The following RBFOX1 variants were observed in gnomAD, a reference collection of about 807,000 sequenced individuals.
The protein encoded by RBFOX1 is RNA binding fox-1 homolog 1.
Under a neutral mutation model 57.7 loss-of-function variants are expected in RBFOX1, and 8 were observed. The observed-to-expected ratio is 0.14, with a 90% CI of 0.08 to 0.25. The LOEUF is 0.25. Among genes scored for constraint, RBFOX1 ranks in the 10% least tolerant of loss-of-function variants. The pLI, the probability that RBFOX1 is intolerant of heterozygous loss-of-function variation, is 1.00. For missense variants in RBFOX1, 611 were observed against 548.5 expected (o/e 1.11, Z -1.14); for synonymous variants, 326 against 222.4 (o/e 1.47, Z -4.15).
At position 5,881,220 on chromosome 16, in the gene RBFOX1, T is replaced by A. The variant is rs1482690779; in HGVS notation, c.351+13885T>A. ...GCCCTGAACTGTCTTCTGATTCTAGTTGGGTGAAAGTCTAGAACTGGATGA... is the reference window on the plus strand; with the variant it reads ...GCCCTGAACTGTCTTCTGATTCTAGATGGGTGAAAGTCTAGAACTGGATGA... On this transcript the variant is annotated intron_variant, in intron 4 of 19. Coordinates refer to the RBFOX1 transcript ENST00000641259. 2.6e-5 allele frequency among the ~76,000 whole-genome samples: 4 copies of A among 152,228 alleles called. No homozygotes were observed. The East Asian group carries it at 7.7e-4, about 29-fold the overall frequency.
chr16:7,372,131 C>T (rs1306147876), intron 4 of RBFOX1, among the ~76,000 whole-genome samples: 5 of 152,118 alleles, frequency 3.3e-5, no homozygotes, highest in Non-Finnish European at 5.9e-5. Context: ...TCATAACTTC[C>T]ATTTAAAGAT....
At chr16:6,194,863 CAT>C (rs1332238273) in intron 1 of RBFOX1, among the ~76,000 whole-genome samples, 5 of 152,152 alleles carry the variant, frequency 3.3e-5, no homozygotes, top group African/African-American at 1.2e-4. Context: ...TATGGTATGT[CAT>C]GTGTACTAGG....
intron 3 of RBFOX1, among the ~76,000 whole-genome samples, chr16:6,935,074 G>A (rs1445422013): frequency 6.6e-6 from 1 of 151,920 alleles, no homozygotes; most frequent in African/African-American, 2.4e-5. Context: ...CTGCGTGACA[G>A]TGAGACCCCC....
intron 1 of RBFOX1, among the ~76,000 whole-genome samples, chr16:5,300,327 A>G (rs2091524): frequency 0.56 from 85,194 of 152,054 alleles, 27,015 homozygotes; most frequent in South Asian, 0.73. Flanking sequence ...ACACAAGGGC[A>G]TAAGAATGAT....
chr16:6,635,054 TTAAA>T (rs1197852432), intron 2 of RBFOX1, among the ~76,000 whole-genome samples: 4 of 134,794 alleles, frequency 3.0e-5, no homozygotes, highest in East Asian at 2.1e-4. Context: ...TTTTAATAGT[TTAAA>T]TATATGTTAT....
At chr16:6,637,438 A>ATATATTATATATAAC (rs2098453476) in intron 2 of RBFOX1, among the ~76,000 whole-genome samples, 1 of 104,150 alleles carries the variant, frequency 9.6e-6, no homozygotes, top group African/African-American at 3.8e-5. Flanking sequence ...TATTATATAA[A>ATATATTATATATAAC]TATATGTAAA....
intron 3 of RBFOX1, among the ~76,000 whole-genome samples, chr16:5,775,262 C>T (rs2054108608): frequency 6.6e-6 from 1 of 152,154 alleles, no homozygotes; most frequent in African/African-American, 2.4e-5. Context: ...CCTAAGCTTC[C>T]CTTCAACTAA....
chr16:5,522,991 C>CG (rs1567190013), intron 2 of RBFOX1, among the ~76,000 whole-genome samples: 1 of 151,666 alleles, frequency 6.6e-6, no homozygotes, highest in African/African-American at 2.4e-5. Flanking sequence ...TAAAGTGCTG[C>CG]AAAATCATGG....
chr16:5,899,871 C>G (rs755354400), intron 4 of RBFOX1, among the ~76,000 whole-genome samples: 4 of 152,218 alleles, frequency 2.6e-5, no homozygotes, highest in East Asian at 3.9e-4. Flanking sequence ...CCCAGGAGTT[C>G]GAGACTAGCC....
intron 2 of RBFOX1, among the ~76,000 whole-genome samples, chr16:6,318,660 G>C (rs1444283970): frequency 6.6e-6 from 1 of 151,926 alleles, no homozygotes; most frequent in Non-Finnish European, 1.5e-5. Flanking sequence ...GGGAGGCTGT[G>C]GTCCCTAAGA....
At chr16:6,653,736 A>AGATG in intron 2 of RBFOX1, among the ~76,000 whole-genome samples, 1 of 151,042 alleles carries the variant, frequency 6.6e-6, no homozygotes, top group African/African-American at 2.4e-5. Context: ...GAGGATGGAT[A>AGATG]GATGGATGGA....
At chr16:5,499,342 T>A (rs2043109019) in intron 2 of RBFOX1, among the ~76,000 whole-genome samples, 1 of 152,174 alleles carries the variant, frequency 6.6e-6, no homozygotes, top group Admixed American at 6.5e-5. Flanking sequence ...TTGCTGCCCC[T>A]GTTGGTAGAA....
At chr16:6,215,284 GGAGAGGGAGAGGGA>G (rs1248767035) in intron 1 of RBFOX1, among the ~76,000 whole-genome samples, 2 of 133,620 alleles carry the variant, frequency 1.5e-5, no homozygotes, top group African/African-American at 2.9e-5. Flanking sequence ...AGAGGGAAAA[GGAGAGGGAGAGGGA>G]GAGAGGGAGA....
chr16:7,696,526 T>TGCAGTCCGACCTGGGCGACAGAGCGAG (rs2078850933), intron 14 of RBFOX1, among the ~76,000 whole-genome samples: 4 of 146,864 alleles, frequency 2.7e-5, no homozygotes, highest in African/African-American at 1.1e-4. Context: ...GCAAGTTACT[T>TGCAGTCCGACCTGGGCGACAGAGCGAG]AATCAGTGAC....
chr16:6,929,504 T>C (rs974897062), intron 3 of RBFOX1, among the ~76,000 whole-genome samples: 2 of 152,118 alleles, frequency 1.3e-5, no homozygotes, highest in Non-Finnish European at 2.9e-5. Context: ...TTTGCTTTAT[T>C]GCAAGCCACA....
chr16:7,092,043 C>T (rs2060948430), intron 4 of RBFOX1, among the ~76,000 whole-genome samples: 1 of 152,150 alleles, frequency 6.6e-6, no homozygotes. Flanking sequence ...AAATAAATAG[C>T]ACCACCTCTT....
intron 3 of RBFOX1, among the ~76,000 whole-genome samples, chr16:6,733,146 A>G (rs2069110902): frequency 6.6e-6 from 1 of 152,222 alleles, no homozygotes; most frequent in Admixed American, 6.5e-5. Context: ...CAAAATGTGA[A>G]TAATGAGAAC....
chr16:6,766,086 A>T (rs566574959), intron 3 of RBFOX1, among the ~76,000 whole-genome samples: 1 of 152,248 alleles, frequency 6.6e-6, no homozygotes, highest in Non-Finnish European at 1.5e-5. Context: ...TATGCAATTC[A>T]TCCATGTAAC....
chr16:6,152,432 A>C (rs1253589428), intron 1 of RBFOX1, among the ~76,000 whole-genome samples: 3 of 152,146 alleles, frequency 2.0e-5, no homozygotes, highest in African/African-American at 7.2e-5. Context: ...TGTTTACTTC[A>C]AGGTAGAAGC....
Sources: gnomAD v4.1 joint callset for allele counts (sites outside exome capture counted in the v4.1 genomes callset) on GRCh38, gnomAD v4.1.1 for gene constraint, MANE v1.5 for transcripts, NCBI Gene and HGNC (gene_info 2026-07-23, HGNC 2026-07-21) for gene names.